The following GPAT3 variants were observed in gnomAD, a reference collection of about 807,000 sequenced individuals.
The protein encoded by GPAT3 is 1-AGP acyltransferase 9.
GPAT3 carries 53 observed loss-of-function variants against 58.8 expected under a neutral mutation model. The observed-to-expected ratio is 0.90, with a 90% CI of 0.72 to 1.13. The LOEUF (loss-of-function observed/expected upper bound fraction) is 1.13. Ranked by LOEUF, GPAT3 falls within the 50% of genes most tolerant of loss-of-function variation. GPAT3 has a pLI of 0.00. For synonymous variants in GPAT3, 197 were observed against 187.4 expected (o/e 1.05, Z -0.42); for missense variants, 511 against 527.6 (o/e 0.97, Z 0.31).
At chr4:83,564,091 C>T (rs767705593) in intron 2 of GPAT3, among the ~76,000 whole-genome samples, 3 of 152,106 alleles carry the variant, frequency 2.0e-5, no homozygotes, top group Non-Finnish European at 2.9e-5. Flanking sequence ...TGTCAAACTG[C>T]CCTCCATAAT....
rs1178142999 is a variant in GPAT3 at position 83,605,148 on chromosome 4, C to T, written c.*381C>T. 6.2e-6 allele frequency: 1 copy of T among 162,370 alleles called. No homozygotes were observed. Among genetic ancestry groups the T allele is most frequent in the Non-Finnish European group, 1.3e-5 (1 of 74,782 alleles). 10.1% of individuals were successfully genotyped at this position (162,370 alleles called of 1,614,324 possible). A position where few individuals can be genotyped will look rare whatever the true frequency, so the allele number is the denominator to read the frequency against. ...TTTCTGTAATTAGCCTTGCCACTTTCTTCAGTCACTTAAATGGTGAGATTA... is the reference window on the plus strand; with the variant it reads ...TTTCTGTAATTAGCCTTGCCACTTTTTTCAGTCACTTAAATGGTGAGATTA... On this transcript the variant is annotated 3_prime_UTR_variant, in exon 12 of 12. Coordinates refer to ENST00000264409, the MANE Select transcript of GPAT3 (RefSeq NM_032717.5).
At chr4:83,585,246 A>G (rs1726334443) in intron 3 of GPAT3, among the ~76,000 whole-genome samples, 2 of 151,642 alleles carry the variant, frequency 1.3e-5, no homozygotes, top group African/African-American at 4.8e-5. Context: ...ATGTTCAAAA[A>G]GCTTTCTTCT....
chr4:83,543,838 G>A (rs1578158896), intron 1 of GPAT3, among the ~76,000 whole-genome samples: 4 of 151,804 alleles, frequency 2.6e-5, no homozygotes, highest in East Asian at 1.9e-4. Flanking sequence ...ATGGGGTTTC[G>A]CCATGTTGGC....
intron 2 of GPAT3, among the ~76,000 whole-genome samples, chr4:83,570,224 G>A (rs1027030966): frequency 6.6e-6 from 1 of 152,158 alleles, no homozygotes; most frequent in African/African-American, 2.4e-5. Context: ...CCCCAGGCAA[G>A]TTACTCAACC....
intron 2 of GPAT3, among the ~76,000 whole-genome samples, chr4:83,550,239 C>G (rs1724704838): frequency 1.3e-5 from 2 of 151,518 alleles, no homozygotes; most frequent in African/African-American, 4.9e-5. Flanking sequence ...CACCATGTTG[C>G]CCAGGCTGGT....
At chr4:83,587,018 G>A (rs17006901) in intron 3 of GPAT3, among the ~76,000 whole-genome samples, 2,056 of 152,242 alleles carry the variant, frequency 0.014, 46 homozygotes, top group African/African-American at 0.044. Flanking sequence ...TTTGCAGATG[G>A]CATCATATTC....
intron 2 of GPAT3, among the ~76,000 whole-genome samples, chr4:83,575,667 G>T (rs1725786456): frequency 6.6e-6 from 1 of 152,148 alleles, no homozygotes; most frequent in South Asian, 2.1e-4. Context: ...ACCCGCCTCG[G>T]CCTCCCACAG....
At position 83,577,788 on chromosome 4, in the gene GPAT3, C is replaced by CTTTTTTTT. The variant is rs1185047521; in HGVS notation, c.209-3755_209-3748dup. On this transcript the variant is annotated intron_variant, in intron 2 of 11. Coordinates refer to ENST00000264409, the MANE Select transcript of GPAT3 (RefSeq NM_032717.5). Reference sequence around the variant, plus strand: ...GGTATGAAGGAGTATGTCATTGTGGCTTTTTTTTTTTTTTTTTTTTTTTTT... The same window carrying CTTTTTTTT: ...GGTATGAAGGAGTATGTCATTGTGGCTTTTTTTTTTTTTTTTTTTTTTTTTTTTTTTTT... 1.0e-4 allele frequency among the ~76,000 whole-genome samples: 7 copies of CTTTTTTTT among 66,716 alleles called. 1 individual carries two copies. The highest frequency in any genetic ancestry group is 1.8e-4 in the Non-Finnish European group (6 of 33,226). 43.8% of individuals were successfully genotyped at this position (66,716 alleles called of 152,430 possible). A position where few individuals can be genotyped will look rare whatever the true frequency, so the allele number is the denominator to read the frequency against.
intron 2 of GPAT3, among the ~76,000 whole-genome samples, chr4:83,551,793 G>GAA (rs765639097): frequency 3.4e-3 from 210 of 61,900 alleles, no homozygotes; most frequent in South Asian, 4.8e-3. Context: ...CTCCATCTCG[G>GAA]AAAAAAAAAA....
At chr4:83,539,156 G>C (rs1183940273) in intron 1 of GPAT3, among the ~76,000 whole-genome samples, 1 of 152,178 alleles carries the variant, frequency 6.6e-6, no homozygotes, top group Non-Finnish European at 1.5e-5. Flanking sequence ...TAATACGGTG[G>C]ATTGCTTTTC....
In GPAT3 at chr4:83,554,182, G is replaced by A. The variant is rs1373972523; in HGVS notation, c.208+9580G>A. Among the ~76,000 whole-genome samples, 8 of 151,884 alleles carry A rather than the reference G, an allele frequency of 5.3e-5. No homozygotes were observed. In the East Asian group the frequency reaches 1.2e-3, roughly 22 times the overall value. On this transcript the variant is annotated intron_variant, in intron 2 of 11. Transcript: ENST00000264409. ...CTAATTTTTTCCTTTTTGTAGAGGC[G>A]GGGTCTCATTATGTTGTCCAGCCAT... is the stretch of plus-strand genomic sequence containing the variant.
At chr4:83,586,779 C>T (rs1255407002) in intron 3 of GPAT3, among the ~76,000 whole-genome samples, 1 of 152,198 alleles carries the variant, frequency 6.6e-6, no homozygotes, top group Non-Finnish European at 1.5e-5. Context: ...TTGCTAACTT[C>T]TGAGTTATCT....
At chr4:83,603,779 A>G (rs1172754829) in intron 11 of GPAT3, among the ~76,000 whole-genome samples, 1 of 144,162 alleles carries the variant, frequency 6.9e-6, no homozygotes, top group African/African-American at 2.5e-5. Context: ...AACAAGAGCA[A>G]AACTCTGTCT....
chr4:83,597,022 CT>C lies in GPAT3; in HGVS notation c.910+111del. The C allele has an allele frequency of 3.2e-6, 3 of 938,118 alleles. No individual in the cohort carries two copies. In the East Asian group the frequency reaches 7.7e-5, roughly 24 times the overall value. 58.1% of individuals were successfully genotyped at this position (938,118 alleles called of 1,614,324 possible). Reference sequence around the variant, plus strand: ...GGCAACCTTAGCCCAGATCTCTGCCCTTAGAGGAATGGGATGGCACTCTCTG... The same window carrying C: ...GGCAACCTTAGCCCAGATCTCTGCCCTAGAGGAATGGGATGGCACTCTCTG... On this transcript the variant is annotated intron_variant, in intron 8 of 11. Coordinates refer to ENST00000264409, the MANE Select transcript of GPAT3 (RefSeq NM_032717.5).
intron 6 of GPAT3, among the ~76,000 whole-genome samples, chr4:83,593,008 A>G (rs1330571778): frequency 1.3e-5 from 2 of 151,118 alleles, no homozygotes; most frequent in Non-Finnish European, 1.5e-5. Flanking sequence ...CTGGGATTAC[A>G]GGTGCCCACC....
rs1726943140 is a variant in GPAT3 at position 83,598,718 on chromosome 4, TC to T, written c.1203del (p.Trp402GlyfsTer5). ...IAIQGGLTEL[P>X]WDGGLKRAKV... Reference sequence around the variant, plus strand: ...CTATACAAGGAGGCCTGACTGAACTTCCCTGGTAAGAGAACTTTCAGAAGTA... The same window carrying T: ...CTATACAAGGAGGCCTGACTGAACTTCCTGGTAAGAGAACTTTCAGAAGTA... On this transcript the variant is annotated frameshift_variant, in exon 11 of 12. Transcript: ENST00000264409. LOFTEE classifies it high-confidence loss of function. 2.1e-6 allele frequency: 3 copies of T among 1,440,682 alleles called. No homozygotes were observed. The Admixed American group carries it at 5.6e-5, about 27-fold the overall frequency. The allele number at this position is 1,440,682 out of a possible 1,614,324, so 89.2% of individuals were successfully genotyped here.
intron 2 of GPAT3, among the ~76,000 whole-genome samples, chr4:83,572,532 C>T (rs1264633590): frequency 6.6e-6 from 1 of 151,844 alleles, no homozygotes; most frequent in Non-Finnish European, 1.5e-5. Context: ...AAATTAATTA[C>T]AGAAGCAATA....
At chr4:83,546,336 A>G (rs1383589621) in intron 2 of GPAT3, among the ~76,000 whole-genome samples, 4 of 151,080 alleles carry the variant, frequency 2.6e-5, no homozygotes, top group Admixed American at 6.6e-5. Context: ...AGGTGATGGG[A>G]TTAAAAAATC....
At chr4:83,562,658 G>A (rs1270736433) in intron 2 of GPAT3, among the ~76,000 whole-genome samples, 1 of 151,972 alleles carries the variant, frequency 6.6e-6, no homozygotes, top group Non-Finnish European at 1.5e-5. Flanking sequence ...TGAACTCACA[G>A]AAAATGAAAG....
Sources: gnomAD v4.1 joint callset for allele counts (sites outside exome capture counted in the v4.1 genomes callset) on GRCh38, gnomAD v4.1.1 for gene constraint, MANE v1.5 for transcripts, NCBI Gene and HGNC (gene_info 2026-07-23, HGNC 2026-07-21) for gene names.